LHPP: variants seen among roughly 807,000 people sequenced by gnomAD.
LHPP encodes the protein phospholysine phosphohistidine inorganic pyrophosphate phosphatase.
In LHPP, 24 loss-of-function variants were observed where a neutral mutation model predicts 30.3. That is an observed-to-expected ratio of 0.79 (90% CI 0.57 to 1.11). The LOEUF (loss-of-function observed/expected upper bound fraction) is 1.11, where lower values mean the gene tolerates loss of function less well. Ranked by LOEUF, LHPP falls within the 50% of genes most tolerant of loss-of-function variation. LHPP has a pLI of 0.00. For synonymous variants in LHPP, 150 were observed against 157.1 expected, an observed-to-expected ratio of 0.95 and a Z score of 0.34; for missense variants, 356 against 367.2, an observed-to-expected ratio of 0.97 and a Z score of 0.25.
rs189007448 is a variant in LHPP, at chr10:124,517,218, C to T, written c.663C>T (p.Gly221=). ...GGGACGATATCGTGGGCGACGTCGG[C>T]GGTGCCCAGCGGTGTGGAATGAGAG... ...MIGDDIVGDV[G]GAQRCGMRAL... is the part of the protein sequence containing the mutation. Residue 221 remains glycine (G), a synonymous_variant, in exon 6 of 7, where the codon GGC becomes GGT. Coordinates refer to ENST00000368842, the MANE Select transcript of LHPP (RefSeq NM_022126.4). The surrounding 1 kb of genome is among the most constrained non-coding windows in gnomAD (Gnocchi z 4.1). 1.7e-5 allele frequency: 27 copies of T among 1,605,606 alleles called. No homozygotes were observed. Among genetic ancestry groups the T allele is most frequent in the Admixed American group, 3.4e-5 (2 of 58,616 alleles).
chr10:124,552,014 A>G (rs1948177702), intron 6 of LHPP, among the ~76,000 whole-genome samples: 1 of 151,510 alleles, frequency 6.6e-6, no homozygotes, highest in East Asian at 2.0e-4. Context: ...CCCCTTCTCC[A>G]CCTGTCACCT....
At chr10:124,585,819 G>T (rs1948797789) in intron 6 of LHPP, among the ~76,000 whole-genome samples, 3 of 151,904 alleles carry the variant, frequency 2.0e-5, no homozygotes, top group Admixed American at 6.6e-5. Context: ...ATAGAGTCTT[G>T]CTCTGTCCAG....
chr10:124,527,347 C>T (rs1589831005), intron 6 of LHPP, among the ~76,000 whole-genome samples: 1 of 152,242 alleles, frequency 6.6e-6, no homozygotes, highest in Admixed American at 6.5e-5. Flanking sequence ...TGACTCCTGT[C>T]CTTGCAGGCA....
At chr10:124,553,508 G>T (rs1948221870) in intron 6 of LHPP, among the ~76,000 whole-genome samples, 2 of 140,926 alleles carry the variant, frequency 1.4e-5, no homozygotes, top group South Asian at 4.4e-4. Flanking sequence ...GCCCAGGCTG[G>T]AGTGCCGTGG....
chr10:124,572,114 G>A (rs988232004), intron 6 of LHPP, among the ~76,000 whole-genome samples: 1 of 152,148 alleles, frequency 6.6e-6, no homozygotes, highest in African/African-American at 2.4e-5. Context: ...CAGGCCTGCC[G>A]AAGGCTTTGC....
intron 6 of LHPP, among the ~76,000 whole-genome samples, chr10:124,550,535 T>C (rs11596565): frequency 0.14 from 21,598 of 152,160 alleles, 1,960 homozygotes; most frequent in Non-Finnish European, 0.2. Flanking sequence ...CACCGGGTGG[T>C]GTGGCTGCAG....
intron 6 of LHPP, among the ~76,000 whole-genome samples, chr10:124,545,120 G>A (rs71488611): frequency 0.25 from 38,390 of 151,956 alleles, 4,993 homozygotes; most frequent in East Asian, 0.29. Context: ...GTCCTTACAG[G>A]GCCACAGCCT....
intron 6 of LHPP, among the ~76,000 whole-genome samples, chr10:124,544,943 G>A (rs1326140064): frequency 1.3e-5 from 2 of 152,204 alleles, no homozygotes. Flanking sequence ...CCTGGGTTGG[G>A]CTTCCTTTCT....
intron 6 of LHPP, among the ~76,000 whole-genome samples, chr10:124,573,987 C>T (rs1948622425): frequency 6.6e-6 from 1 of 152,162 alleles, no homozygotes; most frequent in South Asian, 2.1e-4. Flanking sequence ...CCTGGCTCCC[C>T]TGGAGCCACC....
At position 124,496,038 on chromosome 10, in the gene LHPP, T is replaced by C. The variant is rs73365831; in HGVS notation, c.468-923T>C. 6.6e-6 allele frequency among the ~76,000 whole-genome samples: 1 copy of C among 152,074 alleles called. No individual in the cohort carries two copies. The highest frequency in any genetic ancestry group is 2.4e-5 in the African/African-American group (1 of 41,370). ...ATACGTGCTTTCTCCACGTCTCCCA[T>C]ATCGTAAGGGCATGGCAGGAGGAGA... On this transcript the variant is annotated intron_variant, in intron 3 of 6. Transcript: ENST00000368842. The surrounding 1 kb of genome is among the most constrained non-coding windows in gnomAD (Gnocchi z 4.3).
At chr10:124,498,658 T>G in intron 5 of LHPP, 1 of 565,324 alleles carries the variant, frequency 1.8e-6, no homozygotes, top group Non-Finnish European at 3.2e-6. Context: ...TCTTTTCTTT[T>G]TCTTTTTTTT....
intron 6 of LHPP, among the ~76,000 whole-genome samples, chr10:124,519,134 G>C (rs186943720): frequency 7.6e-4 from 116 of 152,274 alleles, no homozygotes; most frequent in African/African-American, 2.7e-3. Flanking sequence ...TTTTAGTGGA[G>C]ACGGGGTTTC....
chr10:124,613,595 G>GGCCTGCTCCCCTGCCTGGGCC lies in LHPP; in HGVS notation c.*236_*256dup. On this transcript the variant is annotated 3_prime_UTR_variant, in exon 7 of 7. Coordinates refer to ENST00000368842, the MANE Select transcript of LHPP (RefSeq NM_022126.4). ...GCAGGCATTTGTTCCCTACCTGGGT[G>GGCCTGCTCCCCTGCCTGGGCC]GCCTGCTCCCCTGCCTGGGCCCTGA... is the stretch of plus-strand genomic sequence containing the variant. The GGCCTGCTCCCCTGCCTGGGCC allele has an allele frequency of 1.7e-6, 1 of 576,832 alleles. No individual in the cohort carries two copies. Among genetic ancestry groups the GGCCTGCTCCCCTGCCTGGGCC allele is most frequent in the Non-Finnish European group, 3.1e-6 (1 of 320,838 alleles). 35.7% of individuals were successfully genotyped at this position (576,832 alleles called of 1,614,324 possible).
intron 6 of LHPP, among the ~76,000 whole-genome samples, chr10:124,571,717 T>C (rs12269523): frequency 0.22 from 32,757 of 152,160 alleles, 3,774 homozygotes; most frequent in East Asian, 0.34. Context: ...TCCCTAACCG[T>C]GTTCCCTGGC....
Position 124,478,555 on chromosome 10 carries a change from T to A in LHPP, c.126-5584T>A, listed in dbSNP as rs1405315886. ...GATGTCCAATAATTGTCCTAACAGT[T>A]TACCTGCTGTGGAACAGTAATGAGA... On this transcript the variant is annotated intron_variant, in intron 1 of 6. Transcript: ENST00000368842. The surrounding 1 kb of genome is among the most constrained non-coding windows in gnomAD (Gnocchi z 4.7). Among the ~76,000 whole-genome samples, 2 of 152,204 alleles carry A rather than the reference T, an allele frequency of 1.3e-5. No individual in the cohort carries two copies. Among genetic ancestry groups the A allele is most frequent in the South Asian group, 2.1e-4 (1 of 4,828 alleles).
At chr10:124,474,330 A>G (rs746352059) in intron 1 of LHPP, among the ~76,000 whole-genome samples, 4 of 151,678 alleles carry the variant, frequency 2.6e-5, no homozygotes, top group Admixed American at 6.6e-5. Context: ...AGTACAGACA[A>G]GGTTTTGCCA....
intron 6 of LHPP, among the ~76,000 whole-genome samples, chr10:124,609,984 C>T (rs772391312): frequency 1.2e-4 from 19 of 152,292 alleles, no homozygotes; most frequent in African/African-American, 2.9e-4. Flanking sequence ...CTTTGGTGAA[C>T]GTGAGGATGC....
At chr10:124,514,516 A>C (rs1245808830) in intron 5 of LHPP, among the ~76,000 whole-genome samples, 1 of 152,208 alleles carries the variant, frequency 6.6e-6, no homozygotes, top group South Asian at 2.1e-4. Context: ...GGCACTCCAC[A>C]GTCTTCTCAC....
At chr10:124,594,145 T>C (rs948347807) in intron 6 of LHPP, among the ~76,000 whole-genome samples, 4 of 151,998 alleles carry the variant, frequency 2.6e-5, no homozygotes, top group Non-Finnish European at 5.9e-5. Context: ...CTGGCCAACA[T>C]GGGGAAACCC....
Sources: gnomAD v4.1 joint callset for allele counts (sites outside exome capture counted in the v4.1 genomes callset) on GRCh38, gnomAD v4.1.1 for gene constraint, Gnocchi (gnomAD v3.1) non-coding constraint, MANE v1.5 for transcripts, NCBI Gene and HGNC (gene_info 2026-07-23, HGNC 2026-07-21) for gene names.